ATRNL1: variants seen among roughly 807,000 people sequenced by gnomAD.
ATRNL1 encodes the protein attractin like 1, also known as attractin-like protein 1.
ATRNL1 carries 95 observed loss-of-function variants against 182.7 expected under a neutral mutation model. That is an observed-to-expected ratio of 0.52 (90% CI 0.44 to 0.62). The LOEUF is 0.62. Ranked by LOEUF, ATRNL1 falls within the 20% of genes least tolerant of loss-of-function variation. The pLI is 0.00. For synonymous variants in ATRNL1, 576 were observed against 568.3 expected (o/e 1.01, Z -0.19); for missense variants, 1,471 against 1,679.5 (o/e 0.88, Z 2.17).
chr10:115,676,305 C>A (rs573273220), intron 26 of ATRNL1, among the ~76,000 whole-genome samples: 23 of 151,868 alleles, frequency 1.5e-4, no homozygotes, highest in Non-Finnish European at 2.2e-4. Flanking sequence ...TACTAGAGAT[C>A]GACCATAGCT....
chr10:115,851,649 A>G (rs192705935), intron 28 of ATRNL1, among the ~76,000 whole-genome samples: 2 of 152,228 alleles, frequency 1.3e-5, no homozygotes, highest in Admixed American at 1.3e-4. Context: ...AAGGCAAAAG[A>G]TATTAAGTAG....
At chr10:115,666,071 A>G (rs1860982608) in intron 26 of ATRNL1, among the ~76,000 whole-genome samples, 1 of 152,164 alleles carries the variant, frequency 6.6e-6, no homozygotes. Flanking sequence ...GTTCTAAGAC[A>G]TAGTTAAATT....
At chr10:115,186,473 C>G (rs1366513925) in intron 8 of ATRNL1, among the ~76,000 whole-genome samples, 1 of 151,958 alleles carries the variant, frequency 6.6e-6, no homozygotes. Context: ...TGTCCATCAA[C>G]AGGAATGGAT....
chr10:115,779,705 T>C (rs1443774667), intron 27 of ATRNL1, among the ~76,000 whole-genome samples: 1 of 152,192 alleles, frequency 6.6e-6, no homozygotes, highest in Non-Finnish European at 1.5e-5. Flanking sequence ...TATCAGAAAA[T>C]AGATTACACT....
chr10:115,762,869 T>C (rs1948766179), intron 27 of ATRNL1, among the ~76,000 whole-genome samples: 1 of 152,136 alleles, frequency 6.6e-6, no homozygotes, highest in African/African-American at 2.4e-5. Flanking sequence ...ACTGTTGAAA[T>C]ATCTTTATTC....
chr10:115,577,111 A>G (rs1854765608), intron 26 of ATRNL1, among the ~76,000 whole-genome samples: 1 of 151,882 alleles, frequency 6.6e-6, no homozygotes. Flanking sequence ...TGCCAGTATC[A>G]TAATATTTAA....
At chr10:115,727,905 CATT>C in intron 27 of ATRNL1, among the ~76,000 whole-genome samples, 1 of 152,022 alleles carries the variant, frequency 6.6e-6, no homozygotes, top group South Asian at 2.1e-4. Context: ...AAACAGAAAT[CATT>C]ATATGCAACT....
chr10:115,679,058 A>G (rs1485426165), intron 26 of ATRNL1, among the ~76,000 whole-genome samples: 1 of 152,098 alleles, frequency 6.6e-6, no homozygotes, highest in African/African-American at 2.4e-5. Flanking sequence ...GTAGTTGTAA[A>G]AGTGAAGGAT....
At chr10:115,363,817 T>G (rs1378081087) in intron 19 of ATRNL1, among the ~76,000 whole-genome samples, 3 of 146,282 alleles carry the variant, frequency 2.1e-5, no homozygotes, top group Non-Finnish European at 3.1e-5. Flanking sequence ...TTGTCAAAGA[T>G]CAGATAGTTG....
chr10:115,794,144 G>A (rs997981474), intron 27 of ATRNL1, among the ~76,000 whole-genome samples: 5 of 152,098 alleles, frequency 3.3e-5, no homozygotes, highest in African/African-American at 9.7e-5. Context: ...GCTCTACTTT[G>A]CATGCACAAG....
chr10:115,856,550 G>C (rs1360644140), intron 28 of ATRNL1, among the ~76,000 whole-genome samples: 1 of 151,708 alleles, frequency 6.6e-6, no homozygotes, highest in African/African-American at 2.4e-5. Context: ...TTTGGCACCA[G>C]GGACGGGTTT....
chr10:115,626,926 C>G (rs1555024811), intron 26 of ATRNL1, among the ~76,000 whole-genome samples: 1 of 152,052 alleles, frequency 6.6e-6, no homozygotes, highest in Non-Finnish European at 1.5e-5. Context: ...ATTTCTATCT[C>G]CTAATATTTA....
At position 115,900,460 on chromosome 10, in the gene ATRNL1, C is replaced by A. The variant is rs1049660088; in HGVS notation, c.4019-44198C>A. Among the ~76,000 whole-genome samples the A allele has an allele frequency of 2.6e-5, 4 of 152,202 alleles. No homozygotes were observed. In the East Asian group the frequency reaches 7.7e-4, roughly 29 times the overall value. Reference sequence around the variant, plus strand: ...TTTAAAAAAATTAGAAGATAAGCTACAAAACAGGAGATAATATTTTTAAAA... The same window carrying A: ...TTTAAAAAAATTAGAAGATAAGCTAAAAAACAGGAGATAATATTTTTAAAA... On this transcript the variant is annotated intron_variant, in intron 28 of 28. Transcript: ENST00000355044.
intron 27 of ATRNL1, among the ~76,000 whole-genome samples, chr10:115,802,050 C>A (rs868960084): frequency 3.5e-5 from 5 of 143,036 alleles, no homozygotes; most frequent in South Asian, 2.3e-4. Context: ...ACACACAAAA[C>A]AAAAAAAAAC....
intron 8 of ATRNL1, among the ~76,000 whole-genome samples, chr10:115,212,944 G>A (rs1259248830): frequency 2.0e-5 from 3 of 151,912 alleles, no homozygotes; most frequent in Non-Finnish European, 4.4e-5. Context: ...ACAAACCCCC[G>A]TGACATAGAT....
chr10:115,633,718 G>C (rs554484490), intron 26 of ATRNL1, among the ~76,000 whole-genome samples: 1 of 152,196 alleles, frequency 6.6e-6, no homozygotes, highest in Non-Finnish European at 1.5e-5. Flanking sequence ...GATACTGAAA[G>C]CAAGATCTAA....
In ATRNL1 at chr10:115,541,415, T is replaced by G. The variant is rs190457408; in HGVS notation, c.3717-8043T>G. Reference sequence around the variant, plus strand: ...GAAAAAGACAAATAATACCAAATGTTGGAGAGGATGCAGAACTATTCATAC... The same window carrying G: ...GAAAAAGACAAATAATACCAAATGTGGGAGAGGATGCAGAACTATTCATAC... On this transcript the variant is annotated intron_variant, in intron 25 of 28. Coordinates refer to ENST00000355044, the MANE Select transcript of ATRNL1 (RefSeq NM_207303.4). Among the ~76,000 whole-genome samples the G allele has an allele frequency of 2.2e-4, 33 of 152,246 alleles. No individual in the cohort carries two copies. The East Asian group carries it at 6.4e-3, about 29-fold the overall frequency.
rs1351929014 is a variant in ATRNL1 at position 115,945,606 on chromosome 10, TATG to T, written c.*830_*832del. The T allele has an allele frequency of 7.9e-5, 12 of 152,276 alleles. No individual in the cohort carries two copies. The highest frequency in any genetic ancestry group is 2.6e-4 in the African/African-American group (11 of 41,568). 9.4% of individuals were successfully genotyped at this position (152,276 alleles called of 1,614,324 possible). On this transcript the variant is annotated 3_prime_UTR_variant, in exon 29 of 29. Coordinates refer to ENST00000355044, the MANE Select transcript of ATRNL1 (RefSeq NM_207303.4). ...TACAGCATACAAGCTTCTGCTCCAG[TATG>T]ATAATTTTTAATTGCCTAAGAATCA...
intron 24 of ATRNL1, among the ~76,000 whole-genome samples, chr10:115,492,490 G>A (rs1849347530): frequency 6.7e-6 from 1 of 149,866 alleles, no homozygotes; most frequent in Admixed American, 6.6e-5. Flanking sequence ...CTTTCTATTA[G>A]TTTACTTTGA....
Sources: gnomAD v4.1 joint callset for allele counts (sites outside exome capture counted in the v4.1 genomes callset) on GRCh38, gnomAD v4.1.1 for gene constraint, MANE v1.5 for transcripts, NCBI Gene and HGNC (gene_info 2026-07-23, HGNC 2026-07-21) for gene names.